The following SGCG variants were observed in gnomAD, a reference collection of about 807,000 sequenced individuals.
SGCG encodes the protein gamma-sarcoglycan.
A neutral mutation model predicts 29.3 loss-of-function variants in SGCG; 26 were observed. That is an observed-to-expected ratio of 0.89 (90% confidence interval 0.65 to 1.23). The LOEUF is 1.23. SGCG is among the 50% of genes most tolerant of loss of function. The probability of loss-of-function intolerance (pLI) is 0.00; values close to 1 mark genes in which losing one functional copy is unlikely to be tolerated. For missense variants in SGCG, 353 were observed against 356.0 expected, an observed-to-expected ratio of 0.99 and a Z score of 0.07; for synonymous variants, 145 against 129.7, an observed-to-expected ratio of 1.12 and a Z score of -0.80.
intron 2 of SGCG, among the ~76,000 whole-genome samples, chr13:23,220,874 A>G (rs1305869239): frequency 6.6e-6 from 1 of 152,244 alleles, no homozygotes; most frequent in Non-Finnish European, 1.5e-5. Context: ...CTATTTTCAG[A>G]ATCCATCTTT....
chr13:23,309,990 G>C (rs1882502056), intron 6 of SGCG, among the ~76,000 whole-genome samples: 1 of 151,072 alleles, frequency 6.6e-6, no homozygotes, highest in South Asian at 2.1e-4. Flanking sequence ...TTTAATGCAA[G>C]GTTTGTATGT....
At chr13:23,178,072 C>T (rs1565987831), upstream of SGCG, among the ~76,000 whole-genome samples, 2 of 152,112 alleles carry the variant, frequency 1.3e-5, no homozygotes, top group African/African-American at 4.8e-5. Context: ...CTTGGTCCTG[C>T]ACCTGGAGGC....
At chr13:23,190,995 T>C (rs1179980591) in intron 1 of SGCG, among the ~76,000 whole-genome samples, 1 of 152,236 alleles carries the variant, frequency 6.6e-6, no homozygotes, top group African/African-American at 2.4e-5. Context: ...TGTTTGCAGG[T>C]ACTTTCTGAG....
At chr13:23,314,305 T>C (rs1265146727) in intron 6 of SGCG, among the ~76,000 whole-genome samples, 5 of 145,784 alleles carry the variant, frequency 3.4e-5, no homozygotes, top group Non-Finnish European at 1.5e-5. Context: ...TATCTTACAT[T>C]GATGGACATC....
At chr13:23,272,723 G>A (rs1445090860) in intron 4 of SGCG, among the ~76,000 whole-genome samples, 2 of 152,088 alleles carry the variant, frequency 1.3e-5, no homozygotes, top group African/African-American at 2.4e-5. Flanking sequence ...GTTAGAATTC[G>A]CTTGTGACAC....
chr13:23,324,942 A>G lies in SGCG; in HGVS notation c.*401A>G, dbSNP rs899706364. On this transcript the variant is annotated 3_prime_UTR_variant, in exon 8 of 8. Coordinates refer to ENST00000218867, the MANE Select transcript of SGCG (RefSeq NM_000231.3). The stretch of plus-strand genomic sequence containing the variant: ...GTTGAGAGTAGCCTTGCTCAGTACT[A>G]AAATGCCCCAAAGTTCTATACAGCA... The G allele has an allele frequency of 1.7e-5, 5 of 298,374 alleles. No individual in the cohort carries two copies. The highest frequency in any genetic ancestry group is 3.3e-5 in the Non-Finnish European group (5 of 150,898). The allele number at this position is 298,374 out of a possible 1,614,324, so 18.5% of individuals were successfully genotyped here.
chr13:23,311,604 A>C (rs1882602103), intron 6 of SGCG, among the ~76,000 whole-genome samples: 1 of 152,172 alleles, frequency 6.6e-6, no homozygotes, highest in Non-Finnish European at 1.5e-5. Flanking sequence ...CCTGGGGTAG[A>C]GATGAGGGCA....
chr13:23,271,501 T>C (rs757786690), intron 4 of SGCG, among the ~76,000 whole-genome samples: 5 of 152,258 alleles, frequency 3.3e-5, no homozygotes, highest in Non-Finnish European at 4.4e-5. Context: ...CTGGGCTGCA[T>C]GCAGCCGGCG....
Position 23,250,723 on chromosome 13 carries a change from T to A in SGCG, c.385+6T>A, listed in dbSNP as rs781375922. Reference sequence around the variant, plus strand: ...CACAGGCAGGTTAAAAGTCGGTGAGTCCAGCTTCATCATGGTGCTTTGCAT... The same window carrying A: ...CACAGGCAGGTTAAAAGTCGGTGAGACCAGCTTCATCATGGTGCTTTGCAT... On this transcript the variant is annotated splice_donor_region_variant and intron_variant, in intron 4 of 7. Coordinates refer to ENST00000218867, the MANE Select transcript of SGCG (RefSeq NM_000231.3). 4 of 1,544,310 alleles carry A rather than the reference T, an allele frequency of 2.6e-6. No homozygotes were observed. Among genetic ancestry groups the A allele is most frequent in the Non-Finnish European group, 3.6e-6 (4 of 1,116,744 alleles).
intron 6 of SGCG, among the ~76,000 whole-genome samples, chr13:23,302,336 T>G (rs1882192778): frequency 6.6e-6 from 1 of 151,836 alleles, no homozygotes; most frequent in African/African-American, 2.4e-5. Context: ...GAGTCATAAT[T>G]TAAGGAGAAA....
rs1359141230 is a variant in SGCG, at chr13:23,295,495, T to G, written c.578+8T>G. The G allele has an allele frequency of 6.2e-7, 1 of 1,605,454 alleles. No individual in the cohort carries two copies. Among genetic ancestry groups the G allele is most frequent in the East Asian group, 2.2e-5 (1 of 44,830 alleles). On this transcript the variant is annotated splice_region_variant and intron_variant, in intron 6 of 7. Transcript: ENST00000218867. ...CCCGTTTCAAGACCTTAGGTAAGAA[T>G]TTTTGTTCAAATATTAACAACCTCT...
chr13:23,285,209 A>T (rs1258430591), intron 5 of SGCG, among the ~76,000 whole-genome samples: 1 of 152,204 alleles, frequency 6.6e-6, no homozygotes, highest in Non-Finnish European at 1.5e-5. Context: ...CTGCACCCAC[A>T]GCCGCCCCTT....
chr13:23,193,088 G>T (rs1037206079), intron 1 of SGCG, among the ~76,000 whole-genome samples: 1 of 152,226 alleles, frequency 6.6e-6, no homozygotes, highest in Non-Finnish European at 1.5e-5. Flanking sequence ...GGTGTTTATG[G>T]AAGGCTGAGG....
At chr13:23,192,418 A>C (rs556557234) in intron 1 of SGCG, among the ~76,000 whole-genome samples, 15 of 151,906 alleles carry the variant, frequency 9.9e-5, no homozygotes, top group African/African-American at 3.6e-4. Context: ...GGAGTCTCAG[A>C]GTCTCACTCT....
chr13:23,324,616 T>C lies in SGCG; in HGVS notation c.*75T>C. ...ACACCCAGGGAGCAGCTGCACATCG[T>C]GAAAGACTGAGGCAGCGTGGATGGG... On this transcript the variant is annotated 3_prime_UTR_variant, in exon 8 of 8. Coordinates refer to ENST00000218867, the MANE Select transcript of SGCG (RefSeq NM_000231.3). 1 of 1,338,600 alleles carries C rather than the reference T, an allele frequency of 7.5e-7. No individual in the cohort carries two copies. The highest frequency in any genetic ancestry group is 1.1e-6 in the Non-Finnish European group (1 of 945,554). The allele number at this position is 1,338,600 out of a possible 1,614,324, so 82.9% of individuals were successfully genotyped here. A position where few individuals can be genotyped will look rare whatever the true frequency, so the allele number is the denominator to read the frequency against.
chr13:23,203,181 G>C lies in SGCG; in HGVS notation c.1-514G>C, dbSNP rs554975524. On this transcript the variant is annotated intron_variant, in intron 1 of 7. Coordinates refer to ENST00000218867, the MANE Select transcript of SGCG (RefSeq NM_000231.3). ...TCACCATGTTAGCCAGGATGGTCTC[G>C]ATCTCCTGACCTCGTGATCCGCCCA... is the stretch of plus-strand genomic sequence containing the variant. Among the ~76,000 whole-genome samples, 190 of 152,148 alleles carry C rather than the reference G, an allele frequency of 1.2e-3. 1 individual carries two copies. The highest frequency in any genetic ancestry group is 3.8e-3 in the African/African-American group (158 of 41,520).
chr13:23,290,072 C>T (rs1349887822), intron 5 of SGCG, among the ~76,000 whole-genome samples: 1 of 152,150 alleles, frequency 6.6e-6, no homozygotes, highest in East Asian at 1.9e-4. Flanking sequence ...GGGTGTATGG[C>T]AGGCAGCCAG....
chr13:23,279,810 C>T (rs1881237782), intron 5 of SGCG, among the ~76,000 whole-genome samples: 1 of 151,756 alleles, frequency 6.6e-6, no homozygotes, highest in African/African-American at 2.4e-5. Flanking sequence ...TCACTGCAAC[C>T]TTTGCCTCCT....
intron 6 of SGCG, among the ~76,000 whole-genome samples, chr13:23,306,513 A>C (rs1304173972): frequency 1.3e-5 from 2 of 152,128 alleles, no homozygotes; most frequent in Non-Finnish European, 2.9e-5. Flanking sequence ...GGAATTTTTA[A>C]ATTCCTGTTG....
Sources: allele counts gnomAD v4.1 joint callset (sites outside exome capture counted in the v4.1 genomes callset), GRCh38; gene constraint gnomAD v4.1.1; transcripts MANE v1.5; gene names NCBI Gene and HGNC (gene_info 2026-07-23, HGNC 2026-07-21).